Variants in ETV5 observed in about 807,000 individuals in gnomAD.
ETV5 encodes ETS translocation variant 5.
A neutral mutation model predicts 70.0 loss-of-function variants in ETV5; 10 were observed. The observed-to-expected ratio is 0.14, with a 90% CI of 0.09 to 0.24. The LOEUF is 0.24. Ranked by LOEUF, ETV5 falls within the 10% of genes least tolerant of loss-of-function variation. The probability of loss-of-function intolerance (pLI) is 1.00; values close to 1 mark genes in which losing one functional copy is unlikely to be tolerated. For missense variants in ETV5, 453 were observed against 651.2 expected (o/e 0.70, Z 3.31); for synonymous variants, 216 against 242.2 (o/e 0.89, Z 1.01).
At chr3:186,081,255 C>T in intron 5 of ETV5, 80 bp from the exon 6 acceptor site, 4 of 1,393,362 alleles carry the variant, frequency 2.9e-6, no homozygotes, top group Non-Finnish European at 3.9e-6. Context: ...CTTCTGCAAA[C>T]CTTCTAACTA....
At chr3:186,084,615 C>T (rs921544022) in intron 5 of ETV5, among the ~76,000 whole-genome samples, 5 of 152,122 alleles carry the variant, frequency 3.3e-5, no homozygotes, top group African/African-American at 7.2e-5. Flanking sequence ...ATCTTCTCAA[C>T]GATGCAATCA....
Position 186,081,173 on chromosome 3 carries a change from C to T in ETV5, c.235G>A (p.Val79Met). 3.7e-6 allele frequency: 6 copies of T among 1,611,918 alleles called. No homozygotes were observed. The South Asian group carries it at 5.5e-5, about 15-fold the overall frequency. Residue 79 changes from valine to methionine, a missense_variant and splice_region_variant, in exon 6 of 13, where the codon GTG becomes ATG. By Grantham distance (21) the Val-to-Met change is conservative. Transcript: ENST00000306376. ...FVPDFQSDNL[V>M]LHAPPPTKIK... is the part of the protein sequence containing the mutation. Reference sequence around the variant, plus strand: ...TTGGTTGGAGGTGGGGCATGAAGCACCACTGAAATCAGAAGAGGGATGAGA... The same window carrying T: ...TTGGTTGGAGGTGGGGCATGAAGCATCACTGAAATCAGAAGAGGGATGAGA...
intron 5 of ETV5, among the ~76,000 whole-genome samples, chr3:186,090,681 C>A (rs1341487410): frequency 6.6e-6 from 1 of 152,206 alleles, no homozygotes; most frequent in East Asian, 1.9e-4. Context: ...CCAGAGAGTG[C>A]AAGGCAGCTA....
chr3:186,083,818 A>C (rs773730049), intron 5 of ETV5, among the ~76,000 whole-genome samples: 3 of 152,174 alleles, frequency 2.0e-5, no homozygotes, highest in Non-Finnish European at 4.4e-5. Context: ...CTTTCCCCGC[A>C]GGACAAAACA....
intron 5 of ETV5, among the ~76,000 whole-genome samples, chr3:186,090,916 C>T (rs1714167414): frequency 6.6e-6 from 1 of 152,320 alleles, no homozygotes; most frequent in South Asian, 2.1e-4. Flanking sequence ...TAAAAAGGAA[C>T]ACGGGGCTGA....
intron 11 of ETV5, among the ~76,000 whole-genome samples, chr3:186,055,937 T>C (rs914602612): frequency 2.6e-5 from 4 of 152,220 alleles, no homozygotes; most frequent in Non-Finnish European, 5.9e-5. Flanking sequence ...TGGTTTAATT[T>C]ATATGCCTAA....
At chr3:186,071,060 T>A (rs1477272875) in intron 7 of ETV5, among the ~76,000 whole-genome samples, 2 of 152,192 alleles carry the variant, frequency 1.3e-5, no homozygotes, top group African/African-American at 4.8e-5. Flanking sequence ...TTTGTCAGAT[T>A]TATATAGCGC....
chr3:186,061,369 G>A (rs1162665733), intron 9 of ETV5, among the ~76,000 whole-genome samples: 2 of 152,262 alleles, frequency 1.3e-5, no homozygotes, highest in East Asian at 1.9e-4. Context: ...CTTGAGAACC[G>A]TTACTACTCA....
rs1713200747 is a variant in ETV5 at position 186,057,740 on chromosome 3, G to GA, written c.971-250dup. ...ACAGCTAAGACTGCAGGGAAGTGCT[G>GA]AGTCACCAGTACGTTCCTTTGCATT... On this transcript the variant is annotated intron_variant, in intron 9 of 12. Transcript: ENST00000306376. This position sits in a 1 kb window ranked among gnomAD's most constrained non-coding sequence, Gnocchi z 4.9. Among the ~76,000 whole-genome samples, 1 of 152,148 alleles carries GA rather than the reference G, an allele frequency of 6.6e-6. No homozygotes were observed. The highest frequency in any genetic ancestry group is 2.1e-4 in the South Asian group (1 of 4,832).
At chr3:186,102,355 G>A (rs1042657846) in intron 5 of ETV5, among the ~76,000 whole-genome samples, 2 of 152,004 alleles carry the variant, frequency 1.3e-5, no homozygotes, top group East Asian at 1.9e-4. Flanking sequence ...GTTACAGGCC[G>A]GGCACAGTGG....
chr3:186,080,009 G>T lies in ETV5; in HGVS notation c.458C>A (p.Pro153His). ...CCCTGAGGTGGGCAGAGTTGCCTGAGGTGGGGGAAATAGGGGATTCTGATG... is the reference window on the plus strand; with the variant it reads ...CCCTGAGGTGGGCAGAGTTGCCTGATGTGGGGGAAATAGGGGATTCTGATG... ...PTHQNPLFPP[P>H]QATLPTSGHA... Residue 153 changes from proline to histidine, a missense_variant, in exon 7 of 13, where the codon CCT (proline) becomes CAT (histidine). Transcript: ENST00000306376. 1 of 1,554,872 alleles carries T rather than the reference G, an allele frequency of 6.4e-7. No homozygotes were observed. Among genetic ancestry groups the T allele is most frequent in the African/African-American group, 1.4e-5 (1 of 71,214 alleles).
At chr3:186,088,864 T>C (rs553231336) in intron 5 of ETV5, among the ~76,000 whole-genome samples, 1 of 152,310 alleles carries the variant, frequency 6.6e-6, no homozygotes, top group East Asian at 1.9e-4. Context: ...CTTGCCTTTT[T>C]TGACGAATTT....
chr3:186,062,764 TAA>T (rs1374671434), intron 9 of ETV5, among the ~76,000 whole-genome samples: 1 of 152,152 alleles, frequency 6.6e-6, no homozygotes, highest in East Asian at 1.9e-4. Context: ...GACTATTGTT[TAA>T]AAAAAGACTA....
intron 5 of ETV5, among the ~76,000 whole-genome samples, chr3:186,087,254 C>T (rs1051860587): frequency 7.2e-5 from 11 of 152,128 alleles, no homozygotes. Context: ...CAAAAGGGTA[C>T]ATGCCATGTA....
At chr3:186,056,655 A>G (rs1404086922) in intron 11 of ETV5, among the ~76,000 whole-genome samples, 2 of 152,232 alleles carry the variant, frequency 1.3e-5, no homozygotes, top group African/African-American at 2.4e-5. Context: ...GGGTAGTTGT[A>G]TCCTGTAATA....
rs1469486930 is a variant in ETV5 at position 186,054,056 on chromosome 3, T to A, written c.1210-1925A>T. Among the ~76,000 whole-genome samples, 3 of 152,214 alleles carry A rather than the reference T, an allele frequency of 2.0e-5. No individual in the cohort carries two copies. The highest frequency in any genetic ancestry group is 4.4e-5 in the Non-Finnish European group (3 of 68,022). On this transcript the variant is annotated intron_variant, in intron 11 of 12. Transcript: ENST00000306376. The surrounding 1 kb of genome is among the most constrained non-coding windows in gnomAD (Gnocchi z 4.4). ...TGCAATTGCTTACTGGAGAAAGGTT[T>A]GGTATACGCACAGATTTCAAAGCAG...
At chr3:186,084,282 TAA>T (rs11327778) in intron 5 of ETV5, 34,767 of 213,890 alleles carry the variant, frequency 0.16, 1,051 homozygotes, top group African/African-American at 0.2. Context: ...AAAGAAATGC[TAA>T]AAAAAAAAAA....
At chr3:186,067,946 G>C (rs1560048225) in intron 7 of ETV5, among the ~76,000 whole-genome samples, 1 of 152,010 alleles carries the variant, frequency 6.6e-6, no homozygotes, top group Non-Finnish European at 1.5e-5. Context: ...ATCTCAAGAG[G>C]AAAAAAATGG....
At position 186,079,886 on chromosome 3, in the gene ETV5, G is replaced by A; in HGVS notation, c.581C>T (p.Pro194Leu). The A allele has an allele frequency of 6.2e-7, 1 of 1,609,848 alleles. No homozygotes were observed. The highest frequency in any genetic ancestry group is 8.5e-7 in the Non-Finnish European group (1 of 1,178,252). ...CTGCAGGGGCTGATGTGGTGGTCGG[G>A]GGACCGCAAATGTTTGCTGCTGTGG... ...PGPQQQTFAV[P>L]RPPHQPLQMP... The change falls in exon 7 of 13, where the codon CCC becomes CTC. Residue 194 changes from proline to leucine, a missense_variant. Pro to Leu is a moderately conservative substitution (Grantham distance 98, BLOSUM62 -3). Around this residue, in one of 4 missense-constraint regions of ETV5, gnomAD observed 307 missense variants for 344.9 expected, o/e 0.89. Coordinates refer to ENST00000306376, the MANE Select transcript of ETV5 (RefSeq NM_004454.3).
Sources: gnomAD v4.1 joint callset for allele counts (sites outside exome capture counted in the v4.1 genomes callset) on GRCh38, gnomAD v4.1.1 for gene constraint, gnomAD v4.1.1 regional missense constraint, Gnocchi (gnomAD v3.1) non-coding constraint, MANE v1.5 for transcripts, NCBI Gene and HGNC (gene_info 2026-07-23, HGNC 2026-07-21) for gene names.